The following DENND1B variants were observed in gnomAD, a reference collection of about 807,000 sequenced individuals.
DENND1B encodes DENN domain containing 1B, also known as DENN domain-containing protein 1B.
A neutral mutation model predicts 90.1 loss-of-function variants in DENND1B; 59 were observed. The ratio of observed to expected loss-of-function variants is 0.65; its 90% CI spans 0.53 to 0.81. DENND1B has a LOEUF of 0.81. DENND1B is among the 40% of genes least tolerant of loss of function. The probability of loss-of-function intolerance (pLI) is 0.00; values close to 1 mark genes in which losing one functional copy is unlikely to be tolerated. For missense variants in DENND1B, 862 were observed against 912.6 expected (o/e 0.94, Z 0.71); for synonymous variants, 337 against 324.6 (o/e 1.04, Z -0.41).
chr1:197,642,922 T>A, intron 9 of DENND1B, 101 bp from the exon 10 acceptor site: 1 of 707,392 alleles, frequency 1.4e-6, no homozygotes, highest in Non-Finnish European at 2.3e-6. Context: ...CAAAGGGTAT[T>A]ATTATTTAAA....
intron 10 of DENND1B, among the ~76,000 whole-genome samples, chr1:197,631,277 T>C (rs957187294): frequency 6.6e-6 from 1 of 152,104 alleles, no homozygotes; most frequent in South Asian, 2.1e-4. Context: ...AAATATACAA[T>C]ATAAGAATCA....
intron 2 of DENND1B, among the ~76,000 whole-genome samples, chr1:197,723,755 G>A (rs1315428952): frequency 6.6e-6 from 1 of 152,028 alleles, no homozygotes; most frequent in African/African-American, 2.4e-5. Flanking sequence ...AAGAAGGTAA[G>A]AGGCCATGCT....
chr1:197,683,283 C>T (rs1013144732), intron 3 of DENND1B, among the ~76,000 whole-genome samples: 1 of 152,020 alleles, frequency 6.6e-6, no homozygotes, highest in Non-Finnish European at 1.5e-5. Context: ...AATCATATGG[C>T]TACCCTAAGA....
At chr1:197,751,977 GAGA>G (rs151250989) in intron 2 of DENND1B, among the ~76,000 whole-genome samples, 62,830 of 138,396 alleles carry the variant, frequency 0.45, 14,192 homozygotes, top group East Asian at 0.63. Context: ...GGAGGAGAAG[GAGA>G]AGAAGAAGAA....
At chr1:197,659,706 A>G (rs1168696930) in intron 5 of DENND1B, among the ~76,000 whole-genome samples, 1 of 152,046 alleles carries the variant, frequency 6.6e-6, no homozygotes, top group Non-Finnish European at 1.5e-5. Flanking sequence ...AGAGTAAACC[A>G]AAACCTAAAT....
intron 16 of DENND1B, among the ~76,000 whole-genome samples, chr1:197,551,086 C>G (rs1474127472): frequency 3.4e-5 from 2 of 59,318 alleles, no homozygotes; most frequent in Admixed American, 1.8e-4. Flanking sequence ...TAAACACACA[C>G]ACACACACAC....
At chr1:197,536,702 T>C (rs1280346481) in intron 20 of DENND1B, among the ~76,000 whole-genome samples, 1 of 152,026 alleles carries the variant, frequency 6.6e-6, no homozygotes. Flanking sequence ...TTATAATAGA[T>C]ATTAGTAGGC....
intron 10 of DENND1B, among the ~76,000 whole-genome samples, chr1:197,626,669 C>G (rs1442703587): frequency 6.6e-6 from 1 of 151,900 alleles, no homozygotes; most frequent in Non-Finnish European, 1.5e-5. Flanking sequence ...CAAGAAATAA[C>G]TAAAATCAGA....
intron 10 of DENND1B, among the ~76,000 whole-genome samples, chr1:197,641,081 T>C (rs1300919712): frequency 1.3e-5 from 2 of 152,236 alleles, no homozygotes; most frequent in Non-Finnish European, 2.9e-5. Flanking sequence ...TTGCTATTTG[T>C]TTGCTCACTT....
At chr1:197,732,534 A>G (rs541025096) in intron 2 of DENND1B, among the ~76,000 whole-genome samples, 1 of 152,296 alleles carries the variant, frequency 6.6e-6, no homozygotes, top group East Asian at 1.9e-4. Context: ...AGAAACATTA[A>G]GTTAGTTAAA....
chr1:197,511,182 T>C (rs1388522630), intron 22 of DENND1B, among the ~76,000 whole-genome samples: 1 of 151,814 alleles, frequency 6.6e-6, no homozygotes, highest in Non-Finnish European at 1.5e-5. Context: ...AGCTGTCACC[T>C]AACAAATTCA....
intron 10 of DENND1B, among the ~76,000 whole-genome samples, chr1:197,626,040 C>G (rs1043304295): frequency 6.6e-6 from 1 of 152,084 alleles, no homozygotes; most frequent in African/African-American, 2.4e-5. Flanking sequence ...AAGTGACCTA[C>G]AAAGAGACTT....
intron 20 of DENND1B, among the ~76,000 whole-genome samples, chr1:197,518,171 A>G (rs1668532443): frequency 6.6e-6 from 1 of 151,842 alleles, no homozygotes; most frequent in African/African-American, 2.4e-5. Context: ...GAAAGGAGCA[A>G]AATGATTATG....
chr1:197,526,734 T>C (rs1669160551), intron 20 of DENND1B, among the ~76,000 whole-genome samples: 1 of 152,176 alleles, frequency 6.6e-6, no homozygotes, highest in Non-Finnish European at 1.5e-5. Context: ...TATACTAGTA[T>C]TGTTCAGCAG....
chr1:197,696,247 T>A (rs1418371828), intron 3 of DENND1B, among the ~76,000 whole-genome samples: 1 of 151,508 alleles, frequency 6.6e-6, no homozygotes, highest in Non-Finnish European at 1.5e-5. Context: ...ATACATAATT[T>A]TTACTACTAT....
intron 20 of DENND1B, among the ~76,000 whole-genome samples, chr1:197,538,279 G>A (rs896758484): frequency 2.6e-5 from 4 of 151,902 alleles, no homozygotes; most frequent in African/African-American, 7.3e-5. Flanking sequence ...CTTGAAAACA[G>A]ACAAGAATTG....
At chr1:197,660,794 G>T (rs1272174280) in intron 5 of DENND1B, among the ~76,000 whole-genome samples, 1 of 152,130 alleles carries the variant, frequency 6.6e-6, no homozygotes, top group African/African-American at 2.4e-5. Flanking sequence ...TGTGAGAACA[G>T]ATTAACAGCA....
intron 2 of DENND1B, chr1:197,735,742 G>A: frequency 1.2e-6 from 2 of 1,612,814 alleles, no homozygotes; most frequent in Non-Finnish European, 1.7e-6. Flanking sequence ...AATGCAAAAT[G>A]CGAATCGGCG....
chr1:197,737,634 A>G (rs1662824725), intron 2 of DENND1B, among the ~76,000 whole-genome samples: 1 of 152,208 alleles, frequency 6.6e-6, no homozygotes, highest in African/African-American at 2.4e-5. Flanking sequence ...GAATGCAACA[A>G]TGATTCTTAT....
Sources: gnomAD v4.1 joint callset for allele counts (sites outside exome capture counted in the v4.1 genomes callset) on GRCh38, gnomAD v4.1.1 for gene constraint, MANE v1.5 for transcripts, NCBI Gene and HGNC (gene_info 2026-07-23, HGNC 2026-07-21) for gene names.